Variants in PRH1 observed in about 807,000 individuals in gnomAD.
PRH1 encodes the protein proline rich protein HaeIII subfamily 1, also known as salivary acidic proline-rich phosphoprotein 1/2.
PRH1 carries 7 observed loss-of-function variants against 7.9 expected under a neutral mutation model. That is an observed-to-expected ratio of 0.89 (90% CI 0.50 to 1.67). The LOEUF is 1.67. Among genes scored for constraint, PRH1 ranks in the 40% most tolerant of loss-of-function variants. The pLI is 0.00. For synonymous variants in PRH1, 45 were observed against 80.8 expected (o/e 0.56, Z 2.38); for missense variants, 109 against 223.6 (o/e 0.49, Z 3.27).
intron 2 of PRH1, among the ~76,000 whole-genome samples, chr12:10,891,023 A>G (rs1949565778): frequency 6.6e-6 from 1 of 151,652 alleles, no homozygotes; most frequent in African/African-American, 2.4e-5. Flanking sequence ...TTGAGTCCCT[A>G]CTCTCCTTGA....
intron 2 of PRH1, among the ~76,000 whole-genome samples, chr12:10,916,667 C>A (rs1004138904): frequency 1.3e-5 from 2 of 150,846 alleles, no homozygotes; most frequent in African/African-American, 4.9e-5. Context: ...ATTCAGAAAC[C>A]CAAGCAAACT....
chr12:10,882,782 G>C, intron 2 of PRH1, 84 bp from the exon 3 acceptor site: 1 of 1,576,144 alleles, frequency 6.3e-7, no homozygotes, highest in Non-Finnish European at 8.6e-7. Context: ...CCACACGGCC[G>C]GCCCCTCTCT....
chr12:11,105,249 T>C (rs1028407525), intron 1 of PRH1, among the ~76,000 whole-genome samples: 2 of 152,014 alleles, frequency 1.3e-5, no homozygotes, highest in Non-Finnish European at 1.5e-5. Flanking sequence ...TAGGTGTCCA[T>C]GGGAAAATAT....
At chr12:10,985,224 T>C (rs1005784329) in intron 1 of PRH1, among the ~76,000 whole-genome samples, 1 of 152,140 alleles carries the variant, frequency 6.6e-6, no homozygotes, top group African/African-American at 2.4e-5. Flanking sequence ...ATCCTTATTA[T>C]AGAAATGACT....
chr12:11,083,004 A>G (rs1238921332), intron 1 of PRH1, among the ~76,000 whole-genome samples: 1 of 116,914 alleles, frequency 8.6e-6, no homozygotes, highest in East Asian at 2.1e-4. Context: ...TTATCTTTCT[A>G]TGAATTTTTC....
intron 1 of PRH1, among the ~76,000 whole-genome samples, chr12:11,132,712 T>A (rs1185870534): frequency 2.0e-5 from 3 of 152,112 alleles, no homozygotes; most frequent in Non-Finnish European, 4.4e-5. Context: ...TCACTCAAAT[T>A]TTATTGTGTT....
chr12:10,967,700 G>C (rs1210867500), intron 2 of PRH1, among the ~76,000 whole-genome samples: 1 of 152,162 alleles, frequency 6.6e-6, no homozygotes, highest in African/African-American at 2.4e-5. Flanking sequence ...TCCTTACAGG[G>C]AAATTCAATG....
intron 1 of PRH1, among the ~76,000 whole-genome samples, chr12:11,131,932 C>G (rs921443068): frequency 6.6e-6 from 1 of 152,200 alleles, no homozygotes; most frequent in Non-Finnish European, 1.5e-5. Flanking sequence ...ATTCCTTGTG[C>G]TGGGTTCTAG....
chr12:10,893,678 G>A (rs899221691), intron 2 of PRH1, among the ~76,000 whole-genome samples: 1 of 152,042 alleles, frequency 6.6e-6, no homozygotes, highest in African/African-American at 2.4e-5. Context: ...GCAATGTCCA[G>A]GTTATTTTTC....
intron 1 of PRH1, among the ~76,000 whole-genome samples, chr12:10,999,949 A>T (rs542483068): frequency 1.3e-5 from 2 of 152,208 alleles, no homozygotes; most frequent in South Asian, 4.1e-4. Context: ...GATTTACTGT[A>T]ATCTTTCATA....
intron 2 of PRH1, among the ~76,000 whole-genome samples, chr12:10,930,108 C>G (rs897374816): frequency 6.6e-6 from 1 of 152,114 alleles, no homozygotes. Flanking sequence ...CCTGCTTTCC[C>G]TTACATCTTC....
Position 10,986,774 on chromosome 12 carries a change from C to G in PRH1, c.-125-13053G>C, listed in dbSNP as rs151058158. On this transcript the variant is annotated intron_variant, in intron 1 of 3. Transcript: ENST00000539853. ...TCTTCACCCAGTCAATGAAATTTAC[C>G]AGTGCTATGAAGCCATTGGCAAAGT... 7.9e-4 allele frequency: 1,277 copies of G among 1,606,696 alleles called. 11 individuals carry two copies. In the African/African-American group the frequency reaches 0.016, roughly 20 times the overall value.
At chr12:11,064,284 T>C (rs1433008092) in intron 1 of PRH1, among the ~76,000 whole-genome samples, 1 of 152,236 alleles carries the variant, frequency 6.6e-6, no homozygotes, top group Non-Finnish European at 1.5e-5. Flanking sequence ...CATGTTCTTC[T>C]TGTTTGTGGC....
At chr12:11,080,959 T>A (rs1390232921) in intron 1 of PRH1, among the ~76,000 whole-genome samples, 1 of 126,716 alleles carries the variant, frequency 7.9e-6, no homozygotes, top group Admixed American at 7.9e-5. Context: ...TATTGGTCTT[T>A]TGTGTCCTGT....
rs74062425 is a variant in PRH1, at chr12:11,039,505, T to C, written c.-126+7515A>G. 9.7e-3 allele frequency among the ~76,000 whole-genome samples: 1,474 copies of C among 152,234 alleles called. 24 individuals are homozygous for C. Among genetic ancestry groups the C allele is most frequent in the African/African-American group, 0.032 (1,347 of 41,486 alleles). ...CATCTACTAGCATGCCAATGAAGAG[T>C]TTTTTAAATGTTCTGCAATTTTTTC... On this transcript the variant is annotated intron_variant, in intron 1 of 3. Transcript: ENST00000539853.
chr12:11,066,704 T>C (rs1943835108), intron 1 of PRH1, among the ~76,000 whole-genome samples: 1 of 151,322 alleles, frequency 6.6e-6, no homozygotes, highest in East Asian at 1.9e-4. Context: ...ATAAATGTGA[T>C]TTCCATCTTG....
At chr12:11,114,530 G>C (rs1463753037) in intron 1 of PRH1, among the ~76,000 whole-genome samples, 1 of 152,136 alleles carries the variant, frequency 6.6e-6, no homozygotes, top group Non-Finnish European at 1.5e-5. Flanking sequence ...GCTAGGGATA[G>C]CATTAGGAGA....
intron 1 of PRH1, among the ~76,000 whole-genome samples, chr12:11,168,142 C>G (rs1007001232): frequency 2.0e-5 from 3 of 149,306 alleles, no homozygotes; most frequent in Admixed American, 6.7e-5. Flanking sequence ...TGAGTATGTT[C>G]TGGTAAGAAT....
At chr12:11,038,541 T>C (rs141052810) in intron 1 of PRH1, among the ~76,000 whole-genome samples, 2,299 of 152,354 alleles carry the variant, frequency 0.015, 77 homozygotes, top group African/African-American at 0.053. Context: ...TCTTCTCATA[T>C]CTGTATTATT....
Sources: allele counts gnomAD v4.1 joint callset (sites outside exome capture counted in the v4.1 genomes callset), GRCh38; gene constraint gnomAD v4.1.1; transcripts MANE v1.5; gene names NCBI Gene and HGNC (gene_info 2026-07-23, HGNC 2026-07-21).